Variants in CTBP2 observed in about 807,000 individuals in gnomAD.
CTBP2 encodes C-terminal-binding protein 2.
In CTBP2, 30 loss-of-function variants were observed where a neutral mutation model predicts 80.3. That is an observed-to-expected ratio of 0.37 (90% confidence interval 0.28 to 0.51). CTBP2 has a LOEUF of 0.51. CTBP2 is among the 20% of genes least tolerant of loss of function. The pLI is 0.93. For synonymous variants in CTBP2, 594 were observed against 587.4 expected (o/e 1.01, Z -0.16); for missense variants, 1,212 against 1,375.3 (o/e 0.88, Z 1.88).
chr10:125,073,930 G>A (rs1398074811), intron 2 of CTBP2, among the ~76,000 whole-genome samples: 1 of 152,196 alleles, frequency 6.6e-6, no homozygotes, highest in Non-Finnish European at 1.5e-5. Context: ...CCACGGCCCA[G>A]GCGTGGAAAC....
chr10:125,058,098 C>T (rs754840897), intron 2 of CTBP2, among the ~76,000 whole-genome samples: 4 of 151,978 alleles, frequency 2.6e-5, no homozygotes, highest in African/African-American at 4.8e-5. Flanking sequence ...TCTTTATGAA[C>T]TGTTACAGAG....
chr10:125,074,535 G>A (rs551591495), intron 2 of CTBP2, among the ~76,000 whole-genome samples: 11 of 152,278 alleles, frequency 7.2e-5, no homozygotes, highest in Non-Finnish European at 1.5e-4. Context: ...TGTATTTTTG[G>A]TAGAGACGGG....
chr10:125,154,547 G>C (rs1041650175), intron 1 of CTBP2, among the ~76,000 whole-genome samples: 1 of 152,224 alleles, frequency 6.6e-6, no homozygotes, highest in Non-Finnish European at 1.5e-5. Flanking sequence ...GTTAAATTTA[G>C]TTAGGTAAAC....
intron 1 of CTBP2, among the ~76,000 whole-genome samples, chr10:125,015,509 C>T (rs1486952676): frequency 1.3e-5 from 2 of 152,218 alleles, no homozygotes; most frequent in African/African-American, 2.4e-5. Flanking sequence ...GGGCCACAGC[C>T]GGGCTCCCAG....
rs1469026910 is a variant in CTBP2, at chr10:124,985,714, A to G, written c.*3804T>C. On this transcript the variant is annotated 3_prime_UTR_variant, in exon 9 of 9. Transcript: ENST00000309035. ...ATTTAGATATTTATTTGTTGGGAAG[A>G]ATACCTTAAAATGAGGGTTCTTATT... is the stretch of plus-strand genomic sequence containing the variant. 6.6e-6 allele frequency: 1 copy of G among 152,550 alleles called. No individual in the cohort carries two copies. The highest frequency in any genetic ancestry group is 1.5e-5 in the Non-Finnish European group (1 of 68,040). The allele number at this position is 152,550 out of a possible 1,614,324, so 9.4% of individuals were successfully genotyped here.
At chr10:125,046,367 T>C (rs1961236332) in intron 2 of CTBP2, among the ~76,000 whole-genome samples, 1 of 151,768 alleles carries the variant, frequency 6.6e-6, no homozygotes, top group Non-Finnish European at 1.5e-5. Flanking sequence ...TGAAACCCCA[T>C]CTCTACTAAA....
chr10:125,083,449 C>T (rs1847482811), intron 2 of CTBP2, among the ~76,000 whole-genome samples: 1 of 152,158 alleles, frequency 6.6e-6, no homozygotes, highest in African/African-American at 2.4e-5. Flanking sequence ...CAGCCATGTG[C>T]AGACCCCCGA....
intron 2 of CTBP2, among the ~76,000 whole-genome samples, chr10:125,050,044 T>G (rs1158727018): frequency 1.4e-5 from 2 of 137,998 alleles, no homozygotes; most frequent in African/African-American, 6.0e-5. Context: ...TGGCCCATCC[T>G]TCATTTCAAC....
intron 1 of CTBP2, among the ~76,000 whole-genome samples, chr10:125,006,998 A>C (rs1955326488): frequency 6.6e-6 from 1 of 152,242 alleles, no homozygotes; most frequent in Admixed American, 6.5e-5. Flanking sequence ...GTCAGCGCTC[A>C]GGGTGGCCCC....
At chr10:125,154,530 A>G (rs1860574609) in intron 1 of CTBP2, among the ~76,000 whole-genome samples, 1 of 152,260 alleles carries the variant, frequency 6.6e-6, no homozygotes. Context: ...ACTCTAGGCA[A>G]CCATCTGTTA....
intron 2 of CTBP2, among the ~76,000 whole-genome samples, chr10:125,074,460 TTCTCCTG>T (rs1845985221): frequency 6.6e-6 from 1 of 152,212 alleles, no homozygotes; most frequent in Admixed American, 6.5e-5. Context: ...GTTCAAGCGA[TTCTCCTG>T]CCTCAGCCTC....
intron 1 of CTBP2, among the ~76,000 whole-genome samples, chr10:125,148,755 C>A (rs997004764): frequency 6.6e-6 from 1 of 152,222 alleles, no homozygotes; most frequent in Admixed American, 6.5e-5. Flanking sequence ...ACCCACTATT[C>A]AAGGCCTTCC....
At chr10:125,114,212 G>A (rs575370714) in intron 1 of CTBP2, among the ~76,000 whole-genome samples, 1 of 152,290 alleles carries the variant, frequency 6.6e-6, no homozygotes, top group South Asian at 2.1e-4. Flanking sequence ...TGGCCTCAGC[G>A]TGTAACTGCC....
Position 125,027,295 on chromosome 10 carries a change from T to C in CTBP2, c.465A>G (p.Ser155=). The C allele has an allele frequency of 1.2e-6, 2 of 1,613,656 alleles. No homozygotes were observed. The highest frequency in any genetic ancestry group is 8.5e-7 in the Non-Finnish European group (1 of 1,179,976). The stretch of plus-strand genomic sequence containing the variant: ...GGTGACCGGCGTCCTGCAGGGCAGG[T>C]GACCGGCCTTGCATTGGATCCCATG... The change falls in exon 1 of 9, where the codon TCA becomes TCG. Residue 155 remains serine, a synonymous_variant. Coordinates refer to ENST00000309035, the MANE Select transcript of CTBP2 (RefSeq NM_022802.3).
In CTBP2 at chr10:124,987,146, A is replaced by G. The variant is rs753998776; in HGVS notation, c.*2372T>C. On this transcript the variant is annotated 3_prime_UTR_variant, in exon 9 of 9. Coordinates refer to ENST00000309035, the MANE Select transcript of CTBP2 (RefSeq NM_022802.3). ...CCAAAAATTTTGGTAAATCAATGCT[A>G]TATTATGCTCTTGAACTATTAAAAC... 2.0e-5 allele frequency: 3 copies of G among 152,556 alleles called. No homozygotes were observed. Among genetic ancestry groups the G allele is most frequent in the African/African-American group, 4.8e-5 (2 of 41,404 alleles). The allele number at this position is 152,556 out of a possible 1,614,324, so 9.5% of individuals were successfully genotyped here. A position where few individuals can be genotyped will look rare whatever the true frequency, so the allele number is the denominator to read the frequency against.
intron 2 of CTBP2, among the ~76,000 whole-genome samples, chr10:125,085,900 G>A (rs990157009): frequency 4.6e-5 from 7 of 152,204 alleles, no homozygotes; most frequent in Non-Finnish European, 1.0e-4. Flanking sequence ...CAGTGCCTTC[G>A]TGGTCAAGAT....
intron 2 of CTBP2, among the ~76,000 whole-genome samples, chr10:125,080,954 TAA>T (rs11392481): frequency 1.2e-4 from 17 of 140,788 alleles, no homozygotes; most frequent in African/African-American, 7.9e-5. Flanking sequence ...GTACAGGACT[TAA>T]AAAAAAAAAA....
intron 1 of CTBP2, among the ~76,000 whole-genome samples, chr10:125,149,252 C>A (rs1859370562): frequency 6.6e-6 from 1 of 152,210 alleles, no homozygotes; most frequent in African/African-American, 2.4e-5. Flanking sequence ...TGCCACTTTC[C>A]AAGCAACAGC....
intron 8 of CTBP2, 79 bp downstream of exon 10, chr10:124,992,616 C>T (rs1312848873): frequency 2.3e-5 from 24 of 1,021,370 alleles, no homozygotes; most frequent in Non-Finnish European, 3.5e-5. Context: ...GGTTAAGCTT[C>T]CGCCAAGTTT....
Sources: gnomAD v4.1 joint callset for allele counts (sites outside exome capture counted in the v4.1 genomes callset) on GRCh38, gnomAD v4.1.1 for gene constraint, MANE v1.5 for transcripts, NCBI Gene and HGNC (gene_info 2026-07-23, HGNC 2026-07-21) for gene names.